The following AKR1C1 variants were observed in gnomAD, a reference collection of about 807,000 sequenced individuals.
AKR1C1 encodes the protein aldo-keto reductase family 1 member C1.
Under a neutral mutation model 40.6 loss-of-function variants are expected in AKR1C1, and 32 were observed. That is an observed-to-expected ratio of 0.79 (90% CI 0.60 to 1.06). The LOEUF is 1.06. AKR1C1 is among the 50% of genes least tolerant of loss of function. AKR1C1 has a pLI of 0.00. For synonymous variants in AKR1C1, 105 were observed against 134.2 expected (o/e 0.78, Z 1.50); for missense variants, 320 against 363.5 (o/e 0.88, Z 0.97).
rs572777484 is a variant in AKR1C1 at position 4,979,592 on chromosome 10, T to G, written c.*1850T>G. ...GTAACGCTTAAGCAAACTTTCATAT[T>G]TCAAATCTCTTTAGCAAGTGTAACT... On this transcript the variant is annotated 3_prime_UTR_variant, in exon 9 of 9. Transcript: ENST00000380872. 4 of 152,320 alleles carry G rather than the reference T, an allele frequency of 2.6e-5. No homozygotes were observed. Among genetic ancestry groups the G allele is most frequent in the African/African-American group, 9.6e-5 (4 of 41,538 alleles). The allele number at this position is 152,320 out of a possible 1,614,324, so 9.4% of individuals were successfully genotyped here. A position where few individuals can be genotyped will look rare whatever the true frequency, so the allele number is the denominator to read the frequency against.
chr10:4,964,540 A>G (rs1209247930), intron 1 of AKR1C1, among the ~76,000 whole-genome samples: 1 of 152,220 alleles, frequency 6.6e-6, no homozygotes, highest in Admixed American at 6.5e-5. Context: ...TATGGGAAAA[A>G]GAAAGCCTCT....
At position 4,979,583 on chromosome 10, in the gene AKR1C1, CTT is replaced by C. The variant is rs1305500261; in HGVS notation, c.*1843_*1844del. 6.6e-6 allele frequency: 1 copy of C among 152,114 alleles called. No homozygotes were observed. Among genetic ancestry groups the C allele is most frequent in the Non-Finnish European group, 1.5e-5 (1 of 68,046 alleles). 9.4% of individuals were successfully genotyped at this position (152,114 alleles called of 1,614,324 possible). On this transcript the variant is annotated 3_prime_UTR_variant, in exon 9 of 9. Coordinates refer to ENST00000380872, the MANE Select transcript of AKR1C1 (RefSeq NM_001353.6). ...GTGAAGTGTGTAACGCTTAAGCAAACTTTCATATTTCAAATCTCTTTAGCAAG... is the reference window on the plus strand; with the variant it reads ...GTGAAGTGTGTAACGCTTAAGCAAACTCATATTTCAAATCTCTTTAGCAAG...
intron 2 of AKR1C1, among the ~76,000 whole-genome samples, chr10:4,966,486 A>G (rs1275867480): frequency 6.6e-6 from 1 of 152,230 alleles, no homozygotes; most frequent in Non-Finnish European, 1.5e-5. Flanking sequence ...AGTATTAAAG[A>G]ATAACGCCTA....
chr10:4,964,191 AT>A, intron 1 of AKR1C1, among the ~76,000 whole-genome samples: 1 of 152,276 alleles, frequency 6.6e-6, no homozygotes, highest in African/African-American at 2.4e-5. Flanking sequence ...AATGGAATAG[AT>A]TTTCTTTTCT....
At chr10:4,969,701 G>T (rs1836393809) in intron 5 of AKR1C1, 1 of 1,611,954 alleles carries the variant, frequency 6.2e-7, no homozygotes. Flanking sequence ...TCTTTTCCTT[G>T]AGTCCTGACT....
At chr10:4,965,853 G>A in intron 1 of AKR1C1, 61 bp from the exon 2 acceptor site, 1 of 1,560,052 alleles carries the variant, frequency 6.4e-7, no homozygotes, top group Non-Finnish European at 8.7e-7. Flanking sequence ...GTCGCTACTT[G>A]TGCCTGAACT....
rs1836601269 is a variant in AKR1C1, at chr10:4,980,626, C to T, written c.*2884C>T. The T allele has an allele frequency of 1.3e-5, 2 of 149,986 alleles. No individual in the cohort carries two copies. The highest frequency in any genetic ancestry group is 3.0e-5 in the Non-Finnish European group (2 of 67,224). 9.3% of individuals were successfully genotyped at this position (149,986 alleles called of 1,614,324 possible). A position where few individuals can be genotyped will look rare whatever the true frequency, so the allele number is the denominator to read the frequency against. On this transcript the variant is annotated 3_prime_UTR_variant, in exon 9 of 9. Transcript: ENST00000380872. Reference sequence around the variant, plus strand: ...TTGCTCATCCATAAGAAACACTTCTCCTTTGTTAAAATTACATCATGAGAT... The same window carrying T: ...TTGCTCATCCATAAGAAACACTTCTTCTTTGTTAAAATTACATCATGAGAT...
chr10:4,973,923 A>G (rs1836481703), intron 7 of AKR1C1, among the ~76,000 whole-genome samples: 1 of 151,266 alleles, frequency 6.6e-6, no homozygotes, highest in South Asian at 2.1e-4. Context: ...AATATCATAT[A>G]TGATATATAT....
chr10:4,974,082 A>G (rs1243958458), intron 7 of AKR1C1, among the ~76,000 whole-genome samples: 1 of 151,634 alleles, frequency 6.6e-6, no homozygotes, highest in African/African-American at 2.4e-5. Context: ...AAAAATGACA[A>G]TGAAACAATT....
chr10:4,967,614 G>C (rs1002947005), intron 3 of AKR1C1: 99 of 917,156 alleles, frequency 1.1e-4, no homozygotes, highest in Admixed American at 6.2e-4. Flanking sequence ...AGTCAGGCTA[G>C]TTAATGCAAA....
In AKR1C1 at chr10:4,982,662, T is replaced by C. The variant is rs570848396; in HGVS notation, c.*4920T>C. ...ACACTTTTAGGAGCTTCATAGCCCCTCTTCCCCCATTGCCTGAGAAACCAC... is the reference window on the plus strand; with the variant it reads ...ACACTTTTAGGAGCTTCATAGCCCCCCTTCCCCCATTGCCTGAGAAACCAC... On this transcript the variant is annotated 3_prime_UTR_variant, in exon 9 of 9. Coordinates refer to ENST00000380872, the MANE Select transcript of AKR1C1 (RefSeq NM_001353.6). 119 of 285,540 alleles carry C rather than the reference T, an allele frequency of 4.2e-4. No homozygotes were observed. The East Asian group carries it at 5.6e-3, about 13-fold the overall frequency. 17.7% of individuals were successfully genotyped at this position (285,540 alleles called of 1,614,324 possible).
intron 1 of AKR1C1, 104 bp downstream of exon 1, chr10:4,963,632 C>G: frequency 3.0e-6 from 3 of 991,434 alleles, no homozygotes; most frequent in South Asian, 1.4e-5. Context: ...CATGACTCCC[C>G]TTTAAACGTC....
rs1252087456 is a variant in AKR1C1 at position 4,982,857 on chromosome 10, C to A, written c.*5115C>A. ...GAAGGAGAAAATGCCTGCATGAGCTCAGCTGTTACCACTGCGTACCACACC... is the reference window on the plus strand; with the variant it reads ...GAAGGAGAAAATGCCTGCATGAGCTAAGCTGTTACCACTGCGTACCACACC... On this transcript the variant is annotated 3_prime_UTR_variant, in exon 9 of 9. Transcript: ENST00000380872. The A allele has an allele frequency of 2.5e-5, 10 of 407,758 alleles. No individual in the cohort carries two copies. Among genetic ancestry groups the A allele is most frequent in the African/African-American group, 1.8e-4 (9 of 48,694 alleles). The allele number at this position is 407,758 out of a possible 1,614,324, so 25.3% of individuals were successfully genotyped here. A position where few individuals can be genotyped will look rare whatever the true frequency, so the allele number is the denominator to read the frequency against.
chr10:4,969,933 T>C, intron 5 of AKR1C1: 1 of 508,924 alleles, frequency 2.0e-6, no homozygotes, highest in Non-Finnish European at 3.4e-6. Context: ...ATAAAAGCAT[T>C]GAGAAATTAA....
chr10:4,974,795 G>A (rs114091370), intron 7 of AKR1C1, among the ~76,000 whole-genome samples: 1,727 of 152,092 alleles, frequency 0.011, 33 homozygotes, highest in African/African-American at 0.04. Flanking sequence ...GTACTATGAT[G>A]TTAAAAAGTA....
At chr10:4,970,014 A>G (rs1042370019) in intron 5 of AKR1C1, 4 of 386,866 alleles carry the variant, frequency 1.0e-5, no homozygotes, top group African/African-American at 2.1e-5. Flanking sequence ...AAATTTGATA[A>G]AAATAATACT....
In AKR1C1 at chr10:4,977,713, C is replaced by A. The variant is rs1366984383; in HGVS notation, c.943C>A (p.Pro315Thr). 3.1e-6 allele frequency: 5 copies of A among 1,610,018 alleles called. No homozygotes were observed. Among genetic ancestry groups the A allele is most frequent in the Non-Finnish European group, 4.2e-6 (5 of 1,179,014 alleles). ...YLTLDIFAGP[P>T]NYPFSDEY is the part of the protein sequence containing the mutation. Reference sequence around the variant, plus strand: ...TTCTCTTTCCAGTTTTGCTGGCCCCCCTAATTATCCATTTTCTGATGAATA... The same window carrying A: ...TTCTCTTTCCAGTTTTGCTGGCCCCACTAATTATCCATTTTCTGATGAATA... The change falls in exon 9 of 9, where the codon CCT becomes ACT. Residue 315 changes from proline to threonine, a missense_variant. Transcript: ENST00000380872.
chr10:4,965,769 G>C lies in AKR1C1; in HGVS notation c.85-145G>C, dbSNP rs141929068. ...TTATTACTAACTGGGAAAGACCCAG[G>C]GAGACTGGGATGGGCTCATGATTCT... On this transcript the variant is annotated intron_variant, in intron 1 of 8. Transcript: ENST00000380872. 4.4e-6 allele frequency: 4 copies of C among 918,784 alleles called. No homozygotes were observed. In the East Asian group the frequency reaches 1.1e-4, roughly 26 times the overall value. 56.9% of individuals were successfully genotyped at this position (918,784 alleles called of 1,614,324 possible). A position where few individuals can be genotyped will look rare whatever the true frequency, so the allele number is the denominator to read the frequency against.
rs1767930614 is a variant in AKR1C1 at position 4,969,789 on chromosome 10, T to C, written c.570+845T>C. 34 of 1,568,656 alleles carry C rather than the reference T, an allele frequency of 2.2e-5. 2 individuals carry two copies. The South Asian group carries it at 3.9e-4, about 18-fold the overall frequency. On this transcript the variant is annotated intron_variant, in intron 5 of 8. Transcript: ENST00000380872. ...TTTCAGCATTAAAGTTACTACACTTTTCCCAGTAAATTACATTTTTTTGTT... is the reference window on the plus strand; with the variant it reads ...TTTCAGCATTAAAGTTACTACACTTCTCCCAGTAAATTACATTTTTTTGTT...
Sources: allele counts gnomAD v4.1 joint callset (sites outside exome capture counted in the v4.1 genomes callset), GRCh38; gene constraint gnomAD v4.1.1; transcripts MANE v1.5; gene names NCBI Gene and HGNC (gene_info 2026-07-23, HGNC 2026-07-21).